PRR16: variants seen among roughly 807,000 people sequenced by gnomAD.
The protein encoded by PRR16 is protein Largen.
Under a neutral mutation model 18.2 loss-of-function variants are expected in PRR16, and 6 were observed. The observed-to-expected ratio is 0.33, with a 90% CI of 0.18 to 0.65. PRR16 has a LOEUF of 0.65. PRR16 is among the 30% of genes least tolerant of loss of function. The pLI is 0.74. For missense variants in PRR16, 412 were observed against 376.6 expected (o/e 1.09, Z -0.78); for synonymous variants, 151 against 147.8 (o/e 1.02, Z -0.16).
chr5:120,549,111 T>C (rs1039546), intron 1 of PRR16, among the ~76,000 whole-genome samples: 29,826 of 151,880 alleles, frequency 0.2, 3,883 homozygotes, highest in East Asian at 0.68. Context: ...TCTCTTTTAT[T>C]GATTGATTGA....
chr5:120,778,182 G>A, the PRR16 span, among the ~76,000 whole-genome samples: 1 of 152,002 alleles, frequency 6.6e-6, no homozygotes, highest in African/African-American at 2.4e-5. Context: ...AATAATAGGT[G>A]TTAAAAAAAG....
At chr5:120,771,102 A>AAGTT in the PRR16 span, among the ~76,000 whole-genome samples, 1 of 152,016 alleles carries the variant, frequency 6.6e-6, no homozygotes, top group Non-Finnish European at 1.5e-5. Flanking sequence ...CAAATTAAGT[A>AAGTT]AGTTAGATGT....
At chr5:120,760,489 T>C in the PRR16 span, among the ~76,000 whole-genome samples, 3 of 152,150 alleles carry the variant, frequency 2.0e-5, no homozygotes, top group East Asian at 5.8e-4. Flanking sequence ...TTGGTAGTTA[T>C]ATCTAAAACA....
intron 1 of PRR16, among the ~76,000 whole-genome samples, chr5:120,559,441 C>A (rs1752511046): frequency 6.6e-6 from 1 of 151,584 alleles, no homozygotes; most frequent in South Asian, 2.1e-4. Context: ...ATCCTTGGTA[C>A]CTTTGTTGAA....
intron 1 of PRR16, among the ~76,000 whole-genome samples, chr5:120,551,490 G>A (rs1752253088): frequency 6.6e-6 from 1 of 151,836 alleles, no homozygotes; most frequent in African/African-American, 2.4e-5. Context: ...GCCTCATCAA[G>A]TTGTTGTTCT....
chr5:120,498,280 A>ATG (rs1750326691), intron 1 of PRR16, among the ~76,000 whole-genome samples: 1 of 149,406 alleles, frequency 6.7e-6, no homozygotes, highest in African/African-American at 2.4e-5. Context: ...TATATGATAT[A>ATG]TGTGTGTGTA....
intron 1 of PRR16, among the ~76,000 whole-genome samples, chr5:120,514,821 G>A (rs1412919794): frequency 6.6e-6 from 1 of 152,006 alleles, no homozygotes; most frequent in Non-Finnish European, 1.5e-5. Context: ...TCTTTCTTCT[G>A]AGCTCTCACC....
At chr5:120,593,604 A>C (rs2112778307) in intron 1 of PRR16, among the ~76,000 whole-genome samples, 1 of 152,240 alleles carries the variant, frequency 6.6e-6, no homozygotes, top group African/African-American at 2.4e-5. Context: ...TTCCTACTGA[A>C]ACTCTTCCAA....
intron 1 of PRR16, among the ~76,000 whole-genome samples, chr5:120,608,033 A>C (rs1471140655): frequency 6.6e-6 from 1 of 152,214 alleles, no homozygotes; most frequent in Non-Finnish European, 1.5e-5. Context: ...ACAGGCATGC[A>C]GGCAATGGAA....
At chr5:120,553,626 T>G (rs1164622478) in intron 1 of PRR16, among the ~76,000 whole-genome samples, 2 of 151,836 alleles carry the variant, frequency 1.3e-5, no homozygotes, top group African/African-American at 4.8e-5. Flanking sequence ...TTTTCAAAAG[T>G]TGGTAATCTC....
intron 1 of PRR16, among the ~76,000 whole-genome samples, chr5:120,673,235 T>A (rs532839195): frequency 1.3e-4 from 20 of 152,368 alleles, no homozygotes; most frequent in African/African-American, 4.8e-4. Context: ...ACTTTCTCCC[T>A]TAGTACTTGT....
intron 1 of PRR16, among the ~76,000 whole-genome samples, chr5:120,650,073 C>T (rs1027877735): frequency 2.0e-5 from 3 of 151,800 alleles, no homozygotes; most frequent in Non-Finnish European, 4.4e-5. Flanking sequence ...CAAAAATTAA[C>T]TGGGTGTGGC....
At chr5:120,653,084 G>A (rs1346457436) in intron 1 of PRR16, among the ~76,000 whole-genome samples, 2 of 151,912 alleles carry the variant, frequency 1.3e-5, no homozygotes, top group Non-Finnish European at 2.9e-5. Flanking sequence ...TCAAGGATAG[G>A]CAAAATTAAT....
chr5:120,580,128 G>A (rs1471858512), intron 1 of PRR16, among the ~76,000 whole-genome samples: 1 of 152,096 alleles, frequency 6.6e-6, no homozygotes, highest in Admixed American at 6.6e-5. Flanking sequence ...AGAAGTTTTG[G>A]GGCTGAGATG....
At chr5:120,701,047 A>C in the PRR16 span, among the ~76,000 whole-genome samples, 370 of 152,316 alleles carry the variant, frequency 2.4e-3, 1 homozygote, top group Middle Eastern at 6.8e-3. Context: ...GATTTCTGGC[A>C]CATGTAGCAA....
At chr5:120,649,471 A>C (rs1263172701) in intron 1 of PRR16, among the ~76,000 whole-genome samples, 2 of 152,162 alleles carry the variant, frequency 1.3e-5, no homozygotes, top group East Asian at 1.9e-4. Context: ...ACTATTGACT[A>C]TACAGGGTTT....
At chr5:120,774,078 C>A in the PRR16 span, among the ~76,000 whole-genome samples, 1 of 140,996 alleles carries the variant, frequency 7.1e-6, no homozygotes, top group African/African-American at 2.7e-5. Flanking sequence ...AGTTGATTTC[C>A]TGTTGCTATG....
chr5:120,556,058 T>A (rs1036400928), intron 1 of PRR16, among the ~76,000 whole-genome samples: 1 of 151,628 alleles, frequency 6.6e-6, no homozygotes, highest in Non-Finnish European at 1.5e-5. Context: ...AAATGGAAAA[T>A]TTGCAATTTA....
At chr5:120,667,404 A>G (rs1234561810) in intron 1 of PRR16, among the ~76,000 whole-genome samples, 11 of 152,086 alleles carry the variant, frequency 7.2e-5, no homozygotes, top group Non-Finnish European at 1.0e-4. Context: ...TTAAAAAACC[A>G]GCTCCTGGAT....
Sources: allele counts gnomAD v4.1 joint callset (sites outside exome capture counted in the v4.1 genomes callset), GRCh38; gene constraint gnomAD v4.1.1; transcripts MANE v1.5; gene names NCBI Gene and HGNC (gene_info 2026-07-23, HGNC 2026-07-21).